The following POU6F2 variants were observed in gnomAD, a reference collection of about 807,000 sequenced individuals.
The protein encoded by POU6F2 is POU class 6 homeobox 2.
In POU6F2, 31 loss-of-function variants were observed where a neutral mutation model predicts 71.3. The ratio of observed to expected loss-of-function variants is 0.43; its 90% CI spans 0.33 to 0.59. POU6F2 has a LOEUF of 0.59. Ranked by LOEUF, POU6F2 falls within the 20% of genes least tolerant of loss-of-function variation. The pLI is 0.04. For missense variants in POU6F2, 783 were observed against 856.8 expected (o/e 0.91, Z 1.07); for synonymous variants, 347 against 355.7 (o/e 0.98, Z 0.27).
chr7:39,279,104 G>C (rs1784514101), intron 4 of POU6F2, among the ~76,000 whole-genome samples: 1 of 152,150 alleles, frequency 6.6e-6, no homozygotes. Context: ...CGGCCATTCA[G>C]AATCGGCTCC....
At chr7:39,228,488 C>T (rs979576048) in intron 4 of POU6F2, among the ~76,000 whole-genome samples, 4 of 152,206 alleles carry the variant, frequency 2.6e-5, no homozygotes, top group Non-Finnish European at 4.4e-5. Context: ...TGACATCCAT[C>T]CCTCCTGTCA....
chr7:39,041,086 C>T (rs1257263197), intron 1 of POU6F2, among the ~76,000 whole-genome samples: 2 of 151,948 alleles, frequency 1.3e-5, no homozygotes. Context: ...AGAGATGGAT[C>T]CCAACACACC....
intron 2 of POU6F2, among the ~76,000 whole-genome samples, chr7:39,091,667 T>A (rs1791365016): frequency 6.6e-6 from 1 of 152,210 alleles, no homozygotes; most frequent in Non-Finnish European, 1.5e-5. Context: ...ATGTCATAAT[T>A]AATAAATAGA....
At chr7:39,403,072 TTTAC>T (rs1787340466) in intron 5 of POU6F2, among the ~76,000 whole-genome samples, 1 of 152,194 alleles carries the variant, frequency 6.6e-6, no homozygotes, top group Admixed American at 6.5e-5. Flanking sequence ...TGAAGTGTGG[TTTAC>T]TTAAAGTCAC....
chr7:39,293,135 C>A (rs1404625254), intron 4 of POU6F2, among the ~76,000 whole-genome samples: 1 of 152,200 alleles, frequency 6.6e-6, no homozygotes, highest in Non-Finnish European at 1.5e-5. Flanking sequence ...ACAAAGCCAG[C>A]TGTGCGCCTG....
At chr7:39,048,838 T>C (rs915264565) in intron 1 of POU6F2, among the ~76,000 whole-genome samples, 2 of 151,958 alleles carry the variant, frequency 1.3e-5, no homozygotes, top group Non-Finnish European at 2.9e-5. Flanking sequence ...CTTCCCAGCA[T>C]CTATTTTTAT....
At chr7:39,176,429 G>A (rs986646257) in intron 2 of POU6F2, among the ~76,000 whole-genome samples, 3 of 152,176 alleles carry the variant, frequency 2.0e-5, no homozygotes, top group African/African-American at 4.8e-5. Context: ...CATTGCCTGC[G>A]TGGATGGTTA....
rs770111925 is a variant in POU6F2 at position 39,464,533 on chromosome 7, T to C, written c.2010T>C (p.Ala670=). ...HPSGQEMTEI[A]EKLNYDREVV... is the part of the protein sequence containing the mutation. ...CTGGGCAGGAAATGACCGAAATTGC[T>C]GAGAAGCTGAACTATGACCGAGAAG... is the stretch of plus-strand genomic sequence containing the variant. Residue 670 remains alanine (A), a synonymous_variant, in exon 10 of 10, where the codon GCT becomes GCC. Transcript: ENST00000518318. This position sits in a 1 kb window ranked among gnomAD's most constrained non-coding sequence, Gnocchi z 4.1. 1.2e-6 allele frequency: 2 copies of C among 1,613,380 alleles called. No individual in the cohort carries two copies. Among genetic ancestry groups the C allele is most frequent in the South Asian group, 2.2e-5 (2 of 90,910 alleles).
intron 6 of POU6F2, among the ~76,000 whole-genome samples, chr7:39,422,628 C>A (rs914253587): frequency 6.6e-6 from 1 of 152,174 alleles, no homozygotes; most frequent in African/African-American, 2.4e-5. Context: ...GAGGTTATGA[C>A]TGTGGTGCGG....
Position 39,339,739 on chromosome 7 carries a change from G to C in POU6F2, c.696G>C (p.Gln232His). The change falls in exon 5 of 10, where the codon CAG (glutamine) becomes CAC (histidine). Residue 232 changes from glutamine to histidine, a missense_variant. This residue lies in a region of POU6F2 where 572 missense variants were observed against 572.9 expected (regional missense o/e 1.00). Coordinates refer to ENST00000518318, the MANE Select transcript of POU6F2 (RefSeq NM_001370959.1). ...AGCAGCCTCCCCCGTCAACCAACCA[G>C]CACCCGCAACCAGCCCCACAGGCGC... ...QQQQPPPSTN[Q>H]HPQPAPQAPS... 1 of 1,603,376 alleles carries C rather than the reference G, an allele frequency of 6.2e-7. No individual in the cohort carries two copies. The highest frequency in any genetic ancestry group is 8.5e-7 in the Non-Finnish European group (1 of 1,175,662).
At chr7:39,386,218 T>C (rs955899671) in intron 5 of POU6F2, among the ~76,000 whole-genome samples, 3 of 151,520 alleles carry the variant, frequency 2.0e-5, no homozygotes, top group African/African-American at 7.3e-5. Context: ...GCCTGCACCA[T>C]AGCTTGATTT....
At chr7:39,320,888 C>T (rs1785375570) in intron 4 of POU6F2, among the ~76,000 whole-genome samples, 2 of 151,986 alleles carry the variant, frequency 1.3e-5, no homozygotes, top group Non-Finnish European at 2.9e-5. Context: ...GACCCCATCT[C>T]AACCAAAAAT....
intron 5 of POU6F2, among the ~76,000 whole-genome samples, chr7:39,362,936 A>T (rs2115719122): frequency 6.6e-6 from 1 of 152,308 alleles, no homozygotes; most frequent in East Asian, 1.9e-4. Flanking sequence ...CAAAGTGGGC[A>T]AGGGACAGAG....
intron 1 of POU6F2, among the ~76,000 whole-genome samples, chr7:39,045,673 C>T (rs1291985884): frequency 6.6e-6 from 1 of 151,680 alleles, no homozygotes; most frequent in African/African-American, 2.4e-5. Flanking sequence ...AGTTTTAGAA[C>T]ACTGTCTTCA....
At chr7:38,994,106 T>C (rs1297839416) in intron 1 of POU6F2, among the ~76,000 whole-genome samples, 2 of 152,144 alleles carry the variant, frequency 1.3e-5, no homozygotes, top group Non-Finnish European at 2.9e-5. Flanking sequence ...TTTGGATAAA[T>C]ATCATGTCAT....
chr7:39,123,254 T>C lies in POU6F2; in HGVS notation c.277+37223T>C, dbSNP rs369159221. The stretch of plus-strand genomic sequence containing the variant: ...CATTGCACTGTATGTAGTGTGCACT[T>C]GCTCTGCCTTGATTATCTTATGTTC... On this transcript the variant is annotated intron_variant, in intron 2 of 9. Transcript: ENST00000518318. Among the ~76,000 whole-genome samples the C allele has an allele frequency of 6.2e-4, 94 of 152,336 alleles. 2 individuals carry two copies. In the South Asian group the frequency reaches 0.02, roughly 32 times the overall value.
chr7:39,306,986 C>G (rs1475197100), intron 4 of POU6F2, among the ~76,000 whole-genome samples: 1 of 152,126 alleles, frequency 6.6e-6, no homozygotes, highest in African/African-American at 2.4e-5. Context: ...TTGAAGGGAT[C>G]CATTAGAAGG....
chr7:39,001,445 T>A (rs1211109354), intron 1 of POU6F2, among the ~76,000 whole-genome samples: 3 of 151,984 alleles, frequency 2.0e-5, no homozygotes, highest in African/African-American at 7.3e-5. Flanking sequence ...AGCAAACAGA[T>A]GAGAAACAAG....
intron 1 of POU6F2, among the ~76,000 whole-genome samples, chr7:38,979,180 AC>A (rs1421668657): frequency 7.1e-6 from 1 of 140,914 alleles, no homozygotes; most frequent in Non-Finnish European, 1.5e-5. Flanking sequence ...GACTATGGTC[AC>A]GAATATTTAT....
Sources: allele counts gnomAD v4.1 joint callset (sites outside exome capture counted in the v4.1 genomes callset), GRCh38; gene constraint gnomAD v4.1.1; regional missense constraint gnomAD v4.1.1; non-coding constraint Gnocchi (gnomAD v3.1); transcripts MANE v1.5; gene names NCBI Gene and HGNC (gene_info 2026-07-23, HGNC 2026-07-21).